ZBTB7A: variants seen among roughly 807,000 people sequenced by gnomAD.
The protein encoded by ZBTB7A is zinc finger and BTB domain containing 7A.
Under a neutral mutation model 26.7 loss-of-function variants are expected in ZBTB7A, and 7 were observed. The observed-to-expected ratio is 0.26, with a 90% CI of 0.15 to 0.49. The LOEUF (loss-of-function observed/expected upper bound fraction) is 0.49, where lower values mean the gene tolerates loss of function less well. Ranked by LOEUF, ZBTB7A falls within the 20% of genes least tolerant of loss-of-function variation. The pLI, the probability that ZBTB7A is intolerant of heterozygous loss-of-function variation, is 0.98. For synonymous variants in ZBTB7A, 452 were observed against 441.0 expected (o/e 1.02, Z -0.31); for missense variants, 617 against 919.5 (o/e 0.67, Z 4.25).
chr19:4,055,965 G>A (rs2040573074), intron 1 of ZBTB7A, among the ~76,000 whole-genome samples: 9 of 152,156 alleles, frequency 5.9e-5, no homozygotes, highest in African/African-American at 1.7e-4. Context: ...CAGATGTCCC[G>A]GCTCCCCAGC....
chr19:4,047,900 T>C lies in ZBTB7A; in HGVS notation c.1607A>G (p.Lys536Arg), dbSNP rs760465995. The change falls in exon 3 of 3, where the codon AAG (lysine) becomes AGG (arginine). Residue 536 changes from lysine to arginine, a missense_variant. Transcript: ENST00000322357. Reference protein sequence around the residue: ...SPDARRNGQEKHFKDEDEDED... With the variant: ...SPDARRNGQERHFKDEDEDED... ...GTCCTCGTCCTCGTCCTTAAAGTGC[T>C]TCTCCTGGCCGTTGCGCCGGGCGTC... 8.9e-6 allele frequency: 14 copies of C among 1,575,728 alleles called. No individual in the cohort carries two copies. The highest frequency in any genetic ancestry group is 1.1e-5 in the Non-Finnish European group (13 of 1,163,060).
Position 4,054,476 on chromosome 19 carries a change from TG to T in ZBTB7A, c.756del (p.Thr253ProfsTer71). On this transcript the variant is annotated frameshift_variant, in exon 2 of 3. Transcript: ENST00000322357. LOFTEE classifies it high-confidence loss of function. The part of the protein sequence containing the change: ...GLWPERDEDA[P>X]TGGLFPPPVA... ...ACCGGCGGCGGAAAGAGACCCCCGG[TG>T]GGGGCGTCCTCATCCCGCTCTGGCC... 7.3e-7 allele frequency: 1 copy of T among 1,371,708 alleles called. No individual in the cohort carries two copies. Among genetic ancestry groups the T allele is most frequent in the Non-Finnish European group, 9.3e-7 (1 of 1,071,242 alleles). The allele number at this position is 1,371,708 out of a possible 1,614,324, so 85.0% of individuals were successfully genotyped here.
intron 1 of ZBTB7A, among the ~76,000 whole-genome samples, chr19:4,064,164 G>A (rs1414390475): frequency 1.3e-5 from 2 of 152,252 alleles, no homozygotes; most frequent in African/African-American, 4.8e-5. Context: ...CTCTGCCGAT[G>A]CGTGGCTGCC....
In ZBTB7A at chr19:4,044,106, G is replaced by A. The variant is rs1237758573; in HGVS notation, c.*3646C>T. On this transcript the variant is annotated 3_prime_UTR_variant, in exon 3 of 3. Coordinates refer to ENST00000322357, the MANE Select transcript of ZBTB7A (RefSeq NM_015898.4). ...AGGTGACCGCTCCTGCCACGGCCCC[G>A]GGGTCTGAATCGTGCAAAGACCCCT... Among the ~76,000 whole-genome samples, 2 of 151,968 alleles carry A rather than the reference G, an allele frequency of 1.3e-5. No individual in the cohort carries two copies. The highest frequency in any genetic ancestry group is 2.1e-4 in the South Asian group (1 of 4,818).
At chr19:4,064,893 G>A (rs1459048856) in intron 1 of ZBTB7A, among the ~76,000 whole-genome samples, 1 of 152,042 alleles carries the variant, frequency 6.6e-6, no homozygotes, top group Non-Finnish European at 1.5e-5. Flanking sequence ...GGGTGTCCGG[G>A]CCCGGGTGGA....
rs1322817177 is a variant in ZBTB7A, at chr19:4,043,389, T to C, written c.*4363A>G. ...TTTTTGTTTTTTCATCTTTTGTGTTTTTGTTTGTTTTTTATTACTTTTAAA... is the reference window on the plus strand; with the variant it reads ...TTTTTGTTTTTTCATCTTTTGTGTTCTTGTTTGTTTTTTATTACTTTTAAA... On this transcript the variant is annotated 3_prime_UTR_variant, in exon 3 of 3. Coordinates refer to ENST00000322357, the MANE Select transcript of ZBTB7A (RefSeq NM_015898.4). 6.6e-6 allele frequency among the ~76,000 whole-genome samples: 1 copy of C among 151,242 alleles called. No individual in the cohort carries two copies. Among genetic ancestry groups the C allele is most frequent in the Non-Finnish European group, 1.5e-5 (1 of 67,852 alleles).
chr19:4,043,567 C>G lies in ZBTB7A; in HGVS notation c.*4185G>C, dbSNP rs958957722. ...GGGCGCCGCCCCGCCCCCCATTCAC[C>G]AGGCCTGGCCCCTCCAAAGTCCAAG... On this transcript the variant is annotated 3_prime_UTR_variant, in exon 3 of 3. Coordinates refer to ENST00000322357, the MANE Select transcript of ZBTB7A (RefSeq NM_015898.4). 6.6e-6 allele frequency among the ~76,000 whole-genome samples: 1 copy of G among 151,796 alleles called. No individual in the cohort carries two copies. The highest frequency in any genetic ancestry group is 2.4e-5 in the African/African-American group (1 of 41,294).
At chr19:4,062,744 G>A (rs1300175378) in intron 1 of ZBTB7A, 1 of 152,420 alleles carries the variant, frequency 6.6e-6, no homozygotes, top group African/African-American at 2.4e-5. Flanking sequence ...GGCAGGGCTG[G>A]AGTCCAGCTG....
chr19:4,060,507 C>T (rs754335254), intron 1 of ZBTB7A, among the ~76,000 whole-genome samples: 9 of 152,230 alleles, frequency 5.9e-5, no homozygotes, highest in Non-Finnish European at 8.8e-5. Flanking sequence ...GCGGCCCAGT[C>T]GAGGTCACAC....
rs2040436894 is a variant in ZBTB7A, at chr19:4,047,586, A to G, written c.*166T>C. 1.8e-6 allele frequency: 1 copy of G among 543,414 alleles called. No individual in the cohort carries two copies. The highest frequency in any genetic ancestry group is 2.7e-6 in the Non-Finnish European group (1 of 374,758). 33.7% of individuals were successfully genotyped at this position (543,414 alleles called of 1,614,324 possible). A position where few individuals can be genotyped will look rare whatever the true frequency, so the allele number is the denominator to read the frequency against. On this transcript the variant is annotated 3_prime_UTR_variant, in exon 3 of 3. Transcript: ENST00000322357. ...GAAATCTGAGAAAGCGCTACCCTAG[A>G]TTCTGTGACGCGTCATATATATATA... is the stretch of plus-strand genomic sequence containing the variant.
chr19:4,059,196 G>A (rs991199933), intron 1 of ZBTB7A, among the ~76,000 whole-genome samples: 1 of 152,204 alleles, frequency 6.6e-6, no homozygotes, highest in Non-Finnish European at 1.5e-5. Context: ...GGCCACCAAC[G>A]CCCCAAGATG....
chr19:4,058,118 G>T (rs1479592476), intron 1 of ZBTB7A, among the ~76,000 whole-genome samples: 1 of 152,172 alleles, frequency 6.6e-6, no homozygotes, highest in Non-Finnish European at 1.5e-5. Flanking sequence ...GTCCGGACAG[G>T]GCCAGTGACT....
chr19:4,063,420 CCT>C (rs2040659693), intron 1 of ZBTB7A, among the ~76,000 whole-genome samples: 1 of 152,168 alleles, frequency 6.6e-6, no homozygotes, highest in African/African-American at 2.4e-5. Context: ...GCCCTGCCCG[CCT>C]CTGAGGACCA....
intron 1 of ZBTB7A, among the ~76,000 whole-genome samples, chr19:4,059,991 G>A (rs538496865): frequency 1.6e-4 from 24 of 150,702 alleles, no homozygotes; most frequent in African/African-American, 4.4e-4. Context: ...CCGGCCCCAC[G>A]CCAGCCAGGT....
chr19:4,053,980 CG>C lies in ZBTB7A; in HGVS notation c.1252del (p.Arg418AlafsTer8). 6.2e-7 allele frequency: 1 copy of C among 1,600,372 alleles called. No individual in the cohort carries two copies. The highest frequency in any genetic ancestry group is 8.5e-7 in the Non-Finnish European group (1 of 1,174,622). ...KPYECNICKV[R>X]FTRQDKLKVH... ...GCGGCGGGCAGCTCACCTGGTGAAG[CG>C]GACCTTGCAGATGTTGCACTCGTAG... is the stretch of plus-strand genomic sequence containing the variant. On this transcript the variant is annotated frameshift_variant, in exon 2 of 3. Coordinates refer to ENST00000322357, the MANE Select transcript of ZBTB7A (RefSeq NM_015898.4). LOFTEE classifies it low-confidence loss of function (END_TRUNC).
In ZBTB7A at chr19:4,048,892, C is replaced by T. The variant is rs1045935644; in HGVS notation, c.1263-648G>A. 2.7e-5 allele frequency among the ~76,000 whole-genome samples: 4 copies of T among 150,914 alleles called. No individual in the cohort carries two copies. The highest frequency in any genetic ancestry group is 2.1e-4 in the South Asian group (1 of 4,772). The stretch of plus-strand genomic sequence containing the variant: ...AGGCGTGGTGGCGCAGGCCTATAAT[C>T]CCAGCTACTTGGGAGGTGGAGGTTG... On this transcript the variant is annotated intron_variant, in intron 2 of 2. Coordinates refer to ENST00000322357, the MANE Select transcript of ZBTB7A (RefSeq NM_015898.4). This position sits in a 1 kb window ranked among gnomAD's most constrained non-coding sequence, Gnocchi z 6.7.
Position 4,049,931 on chromosome 19 carries a change from T to C in ZBTB7A, c.1263-1687A>G, listed in dbSNP as rs1158552567. 8.4e-5 allele frequency among the ~76,000 whole-genome samples: 12 copies of C among 143,624 alleles called. No individual in the cohort carries two copies. In the East Asian group the frequency reaches 2.3e-3, roughly 28 times the overall value. The allele number at this position is 143,624 out of a possible 152,430, so 94.2% of individuals were successfully genotyped here. ...TCATCACCACCTGACTCTTCTATTG[T>C]TTTTTTTTCTGAGACCGAGTCTCGC... is the stretch of plus-strand genomic sequence containing the variant. On this transcript the variant is annotated intron_variant, in intron 2 of 2. Coordinates refer to ENST00000322357, the MANE Select transcript of ZBTB7A (RefSeq NM_015898.4).
At chr19:4,058,629 G>C (rs1461378932) in intron 1 of ZBTB7A, among the ~76,000 whole-genome samples, 2 of 152,176 alleles carry the variant, frequency 1.3e-5, no homozygotes, top group Non-Finnish European at 1.5e-5. Flanking sequence ...CAAGGCCCCT[G>C]GGGAGAGGGC....
At position 4,054,836 on chromosome 19, in the gene ZBTB7A, C is replaced by A; in HGVS notation, c.397G>T (p.Ala133Ser). 6.2e-7 allele frequency: 1 copy of A among 1,605,700 alleles called. No homozygotes were observed. Among genetic ancestry groups the A allele is most frequent in the South Asian group, 1.1e-5 (1 of 90,146 alleles). ...CCGGCGTCGGCGCCCGCGTCGGCCG[C>A]CAGGATCTGCCGGTCCAGGAGGTCG... ...CADLLDRQIL[A>S]ADAGADAGQL... Residue 133 changes from alanine (A) to serine (S), a missense_variant, in exon 2 of 3, where the codon GCG (alanine) becomes TCG (serine). By Grantham distance (99) the Ala-to-Ser change is moderately conservative (BLOSUM62 1). This residue lies in a region of ZBTB7A where 331 missense variants were observed against 391.3 expected (regional missense o/e 0.85). Coordinates refer to ENST00000322357, the MANE Select transcript of ZBTB7A (RefSeq NM_015898.4).
Sources: allele counts gnomAD v4.1 joint callset (sites outside exome capture counted in the v4.1 genomes callset), GRCh38; gene constraint gnomAD v4.1.1; regional missense constraint gnomAD v4.1.1; non-coding constraint Gnocchi (gnomAD v3.1); transcripts MANE v1.5; gene names NCBI Gene and HGNC (gene_info 2026-07-23, HGNC 2026-07-21).